Variants in POTEF observed in about 807,000 individuals in gnomAD.
The protein encoded by POTEF is POTE ankyrin domain family member F.
In POTEF, 20 loss-of-function variants were observed where a neutral mutation model predicts 83.2. The observed-to-expected ratio is 0.24, with a 90% CI of 0.17 to 0.35. The LOEUF is 0.35. POTEF is among the 10% of genes least tolerant of loss of function. The pLI is 1.00. For missense variants in POTEF, 550 were observed against 1,203.2 expected (o/e 0.46, Z 8.03); for synonymous variants, 196 against 446.4 (o/e 0.44, Z 7.07).
In POTEF at chr2:130,075,110, G is replaced by A. The variant is rs775503870; in HGVS notation, c.2362C>T (p.His788Tyr). The change falls in exon 17 of 17, where the codon CAC (histidine) becomes TAC (tyrosine). Residue 788 changes from histidine (H) to tyrosine (Y), a missense_variant. By Grantham distance (83) the His-to-Tyr change is moderately conservative. Coordinates refer to ENST00000409914, the MANE Select transcript of POTEF (RefSeq NM_001099771.2). ...NWDDMEKIWH[H>Y]TFYNELRVAP... ...ACACGCAGCTCGTTGTAGAAGGTGT[G>A]GTGCCAGATCTTCTCCATGTCATCC... The A allele has an allele frequency of 1.2e-6, 2 of 1,613,740 alleles. No homozygotes were observed. Among genetic ancestry groups the A allele is most frequent in the Admixed American group, 1.7e-5 (1 of 59,980 alleles).
At chr2:130,107,879 G>T (rs1684586118) in intron 8 of POTEF, 130 bp downstream of exon 8, 9 of 780,462 alleles carry the variant, frequency 1.2e-5, no homozygotes. Flanking sequence ...AATGTAACAT[G>T]ATTGAATAAT....
intron 2 of POTEF, 118 bp from the exon 3 acceptor site, chr2:130,120,726 C>G (rs1285851167): frequency 3.5e-5 from 32 of 915,966 alleles, no homozygotes; most frequent in East Asian, 3.2e-4. Context: ...CCACGCCCCC[C>G]CTGGGCGACC....
intron 2 of POTEF, among the ~76,000 whole-genome samples, chr2:130,126,232 A>T (rs1042315302): frequency 2.2e-5 from 3 of 136,454 alleles, no homozygotes; most frequent in East Asian, 2.3e-4. Flanking sequence ...GAACCCAGGA[A>T]GCGGAGGTTG....
Position 130,109,952 on chromosome 2 carries a change from G to A in POTEF, c.1055+591C>T, listed in dbSNP as rs1025575060. On this transcript the variant is annotated intron_variant, in intron 7 of 16. Transcript: ENST00000409914. ...AAACATCAAAGTCACTGTATGAATCGCCATGAAGACTTGAGGGATCTGAAT... is the reference window on the plus strand; with the variant it reads ...AAACATCAAAGTCACTGTATGAATCACCATGAAGACTTGAGGGATCTGAAT... Among the ~76,000 whole-genome samples the A allele has an allele frequency of 5.3e-5, 8 of 151,342 alleles. No homozygotes were observed. In the East Asian group the frequency reaches 5.8e-4, roughly 11 times the overall value.
chr2:130,103,670 G>A (rs890889209), intron 8 of POTEF, among the ~76,000 whole-genome samples: 4 of 150,972 alleles, frequency 2.6e-5, no homozygotes, highest in Non-Finnish European at 5.9e-5. Context: ...AGGCATTAGG[G>A]TTTAAAAAGA....
At position 130,115,323 on chromosome 2, in the gene POTEF, G is replaced by C. The variant is rs376955270; in HGVS notation, c.527C>G (p.Ala176Gly). 3.7e-6 allele frequency: 6 copies of C among 1,613,018 alleles called. No individual in the cohort carries two copies. In the African/African-American group the frequency reaches 8.0e-5, roughly 22 times the overall value. ...CCCATTGGCAGAGGCCAGATGTAGA[G>C]CAGTCCTATGAGAGTGAGAAGACTT... ...VNKQDKQKRTALHLASANGNS... is the reference protein window; with the variant it reads ...VNKQDKQKRTGLHLASANGNS... The change falls in exon 4 of 17, where the codon GCT becomes GGT. Residue 176 changes from alanine (A) to glycine (G), a missense_variant. Physicochemically the swap from Ala to Gly is moderately conservative, Grantham distance 60. Transcript: ENST00000409914.
intron 8 of POTEF, among the ~76,000 whole-genome samples, chr2:130,105,449 C>G (rs983369081): frequency 2.0e-5 from 3 of 151,706 alleles, no homozygotes; most frequent in African/African-American, 7.3e-5. Flanking sequence ...CGAAAACTTC[C>G]TTTGTCTCCT....
In POTEF at chr2:130,111,578, G is replaced by A. The variant is rs867568594; in HGVS notation, c.917+417C>T. On this transcript the variant is annotated intron_variant, in intron 6 of 16. Coordinates refer to ENST00000409914, the MANE Select transcript of POTEF (RefSeq NM_001099771.2). ...AAGCAAAGTCATTAAAAAGACAAAAGGATTTTCAACCCCTATTTATGTTTA... is the reference window on the plus strand; with the variant it reads ...AAGCAAAGTCATTAAAAAGACAAAAAGATTTTCAACCCCTATTTATGTTTA... Among the ~76,000 whole-genome samples, 14 of 151,446 alleles carry A rather than the reference G, an allele frequency of 9.2e-5. 1 individual carries two copies. The highest frequency in any genetic ancestry group is 2.9e-4 in the African/African-American group (12 of 40,906).
At chr2:130,112,845 C>A (rs1684747541) in intron 5 of POTEF, among the ~76,000 whole-genome samples, 1 of 151,192 alleles carries the variant, frequency 6.6e-6, no homozygotes, top group Admixed American at 6.6e-5. Flanking sequence ...GAATTTGCTA[C>A]TATTCTAATT....
At chr2:130,103,247 C>A (rs925137411) in intron 8 of POTEF, among the ~76,000 whole-genome samples, 1 of 149,788 alleles carries the variant, frequency 6.7e-6, no homozygotes, top group Admixed American at 6.6e-5. Flanking sequence ...GGATTACAGG[C>A]ATGTACCATC....
At chr2:130,116,379 G>C (rs1684844941) in intron 3 of POTEF, among the ~76,000 whole-genome samples, 1 of 148,260 alleles carries the variant, frequency 6.7e-6, no homozygotes, top group Non-Finnish European at 1.5e-5. Context: ...ACACGTGCCA[G>C]ATGTGCAGGT....
intron 2 of POTEF, 190 bp from the exon 3 acceptor site, chr2:130,120,798 G>A: frequency 1.8e-6 from 1 of 561,648 alleles, no homozygotes; most frequent in Non-Finnish European, 3.2e-6. Context: ...CCACCCAAGG[G>A]AATGCCAAAC....
rs1039969929 is a variant in POTEF, at chr2:130,075,472, T to C, written c.2000A>G (p.His667Arg). ...TTTCTTTTCTCTTAGCTGGCTCTGA[T>C]GTTTCATTGTGTCTAGCTCCAGTCT... ...MLRLELDTMKHQSQLREKKYL... is the reference protein window; with the variant it reads ...MLRLELDTMKRQSQLREKKYL... The change falls in exon 17 of 17, where the codon CAT (histidine) becomes CGT (arginine). Residue 667 changes from histidine (H) to arginine (R), a missense_variant. His to Arg is a conservative substitution (Grantham distance 29). Transcript: ENST00000409914. 1.2e-6 allele frequency: 2 copies of C among 1,611,390 alleles called. No individual in the cohort carries two copies. Among genetic ancestry groups the C allele is most frequent in the Non-Finnish European group, 1.7e-6 (2 of 1,179,636 alleles).
At chr2:130,113,693 C>A in intron 5 of POTEF, among the ~76,000 whole-genome samples, 1 of 147,192 alleles carries the variant, frequency 6.8e-6, no homozygotes, top group African/African-American at 2.5e-5. Context: ...ATATACATAT[C>A]CAGGCTTTAT....
intron 7 of POTEF, chr2:130,109,460 G>A (rs1212830655): frequency 6.8e-6 from 1 of 146,644 alleles, no homozygotes; most frequent in Non-Finnish European, 1.5e-5. Context: ...TTGAGCTAGA[G>A]ATGGAAGTAG....
intron 15 of POTEF, among the ~76,000 whole-genome samples, chr2:130,080,148 G>A (rs1271267415): frequency 1.2e-4 from 2 of 16,240 alleles, no homozygotes; most frequent in Admixed American, 9.5e-4. Flanking sequence ...ACTATTGCGG[G>A]GGGGGGGGGG....
chr2:130,108,885 T>C (rs1684623792), intron 7 of POTEF, among the ~76,000 whole-genome samples: 1 of 150,974 alleles, frequency 6.6e-6, no homozygotes, highest in Non-Finnish European at 1.5e-5. Flanking sequence ...AGCCAGTAGA[T>C]GTCTGTTAGG....
chr2:130,103,146 G>A (rs2104803101), intron 8 of POTEF, among the ~76,000 whole-genome samples: 1 of 146,210 alleles, frequency 6.8e-6, no homozygotes, highest in South Asian at 2.2e-4. Flanking sequence ...CTGTCACCAG[G>A]CTGGAGTGCA....
chr2:130,114,623 T>TA (rs1200123994), intron 5 of POTEF, among the ~76,000 whole-genome samples: 2 of 150,280 alleles, frequency 1.3e-5, no homozygotes, highest in South Asian at 2.1e-4. Flanking sequence ...TGAAAAATAG[T>TA]AAGTATTATC....
Sources: gnomAD v4.1 joint callset for allele counts (sites outside exome capture counted in the v4.1 genomes callset) on GRCh38, gnomAD v4.1.1 for gene constraint, MANE v1.5 for transcripts, NCBI Gene and HGNC (gene_info 2026-07-23, HGNC 2026-07-21) for gene names.